The following URI1 variants were observed in gnomAD, a reference collection of about 807,000 sequenced individuals.
URI1 encodes the protein URI1 prefoldin like chaperone, also known as unconventional prefoldin RPB5 interactor 1.
In URI1, 39 loss-of-function variants were observed where a neutral mutation model predicts 60.2. The observed-to-expected ratio is 0.65, with a 90% confidence interval of 0.50 to 0.85. The LOEUF (loss-of-function observed/expected upper bound fraction) is 0.85, where lower values mean the gene tolerates loss of function less well. Among genes scored for constraint, URI1 ranks in the 40% least tolerant of loss-of-function variants. The probability of loss-of-function intolerance (pLI) is 0.00; values close to 1 mark genes in which losing one functional copy is unlikely to be tolerated. For missense variants in URI1, 691 were observed against 665.9 expected (o/e 1.04, Z -0.42); for synonymous variants, 251 against 236.8 (o/e 1.06, Z -0.55).
chr19:30,015,674 T>TC lies in URI1; in HGVS notation c.*607dup. ...AAAGATATTTTGTAAAACTTTTTTTTCCAAGTAAAAACTTTATGAAACTTG... is the reference window on the plus strand; with the variant it reads ...AAAGATATTTTGTAAAACTTTTTTTTCCCAAGTAAAAACTTTATGAAACTTG... On this transcript the variant is annotated 3_prime_UTR_variant, in exon 11 of 11. Transcript: ENST00000392271. 7.6e-7 allele frequency: 1 copy of TC among 1,312,440 alleles called. No individual in the cohort carries two copies. The highest frequency in any genetic ancestry group is 1.0e-6 in the Non-Finnish European group (1 of 969,460). The allele number at this position is 1,312,440 out of a possible 1,614,324, so 81.3% of individuals were successfully genotyped here.
intron 2 of URI1, among the ~76,000 whole-genome samples, chr19:29,975,588 C>G (rs1023019937): frequency 2.8e-5 from 4 of 143,708 alleles, no homozygotes; most frequent in African/African-American, 1.0e-4. Flanking sequence ...ACTGCAACTT[C>G]TGCCTCGCGG....
At chr19:30,005,320 A>G (rs781616324) in intron 4 of URI1, 41 bp from the exon 5 acceptor site, 4 of 1,181,546 alleles carry the variant, frequency 3.4e-6, no homozygotes, top group Non-Finnish European at 3.7e-6. Flanking sequence ...CAGGTCGTAT[A>G]TATGCCATGC....
At chr19:29,984,293 G>T (rs2055634358) in intron 2 of URI1, among the ~76,000 whole-genome samples, 1 of 152,100 alleles carries the variant, frequency 6.6e-6, no homozygotes, top group Admixed American at 6.5e-5. Flanking sequence ...GCTGGGCGTG[G>T]TGTCATGCGT....
intron 2 of URI1, among the ~76,000 whole-genome samples, chr19:29,977,538 TTTTC>T (rs1009351578): frequency 8.1e-5 from 12 of 148,776 alleles, no homozygotes; most frequent in African/African-American, 2.7e-4. Context: ...TGTTTGGGCT[TTTTC>T]TTTATGTTAT....
intron 2 of URI1, among the ~76,000 whole-genome samples, chr19:29,971,581 A>T (rs762822734): frequency 1.2e-4 from 18 of 151,918 alleles, no homozygotes; most frequent in Non-Finnish European, 2.9e-5. Flanking sequence ...AAATAATGGG[A>T]ATCAGTTACT....
rs1406765450 is a variant in URI1 at position 29,951,407 on chromosome 19, A to AGC, written c.117+8744_117+8745dup. On this transcript the variant is annotated intron_variant, in intron 1 of 10. Transcript: ENST00000392271. ...ATGTTTTTCGAGCAACAAGAACTCT[A>AGC]GCACCCCCCCCTTTAGTTTCACAAT... is the stretch of plus-strand genomic sequence containing the variant. Among the ~76,000 whole-genome samples the AGC allele has an allele frequency of 4.7e-3, 709 of 152,148 alleles. 6 individuals are homozygous for AGC. Among genetic ancestry groups the AGC allele is most frequent in the African/African-American group, 0.016 (672 of 41,468 alleles).
intron 3 of URI1, among the ~76,000 whole-genome samples, 177 bp from the exon 4 acceptor site, chr19:29,986,105 A>G (rs963000262): frequency 6.6e-6 from 1 of 152,090 alleles, no homozygotes; most frequent in Non-Finnish European, 1.5e-5. Context: ...TTTTCTTTAG[A>G]TTTTCCTAGT....
At chr19:30,002,855 TTC>T (rs1203999611) in intron 4 of URI1, among the ~76,000 whole-genome samples, 1 of 152,010 alleles carries the variant, frequency 6.6e-6, no homozygotes, top group Non-Finnish European at 1.5e-5. Context: ...ATATTTCTTT[TTC>T]TCTCAGTAGT....
chr19:29,939,329 C>T (rs1020456711), upstream of URI1, among the ~76,000 whole-genome samples: 3 of 147,518 alleles, frequency 2.0e-5, no homozygotes, highest in Non-Finnish European at 4.5e-5. Flanking sequence ...GGCAGGAGTG[C>T]AGTGGCATGA....
chr19:29,984,687 T>C (rs760142808), intron 2 of URI1, among the ~76,000 whole-genome samples: 4 of 152,134 alleles, frequency 2.6e-5, no homozygotes, highest in Admixed American at 6.5e-5. Context: ...AAACTAAAAA[T>C]AAAACCACAT....
intron 1 of URI1, among the ~76,000 whole-genome samples, chr19:29,955,384 G>A (rs1218491161): frequency 6.6e-6 from 1 of 152,136 alleles, no homozygotes; most frequent in Non-Finnish European, 1.5e-5. Flanking sequence ...TAATGCCTCA[G>A]TAAATCACTT....
At chr19:29,942,143 T>A, upstream of URI1, 1 of 918,380 alleles carries the variant, frequency 1.1e-6, no homozygotes, top group Non-Finnish European at 1.3e-6. Flanking sequence ...GCGGTTCGCA[T>A]CAAGCGCACT....
chr19:29,985,831 A>G (rs1355540131), intron 3 of URI1, among the ~76,000 whole-genome samples: 2 of 152,214 alleles, frequency 1.3e-5, no homozygotes, highest in South Asian at 2.1e-4. Context: ...TTTTGTATAT[A>G]TAGCTAGATA....
intron 10 of URI1, among the ~76,000 whole-genome samples, chr19:30,013,624 A>G (rs543642885): frequency 6.6e-6 from 1 of 152,288 alleles, no homozygotes; most frequent in South Asian, 2.1e-4. Flanking sequence ...GTAGCTTTGC[A>G]TTTTGTATGG....
At position 30,015,487 on chromosome 19, in the gene URI1, T is replaced by C. The variant is rs2056074717; in HGVS notation, c.*418T>C. On this transcript the variant is annotated 3_prime_UTR_variant, in exon 11 of 11. Coordinates refer to ENST00000392271, the MANE Select transcript of URI1 (RefSeq NM_003796.3). ...CAAATAGATTCAACAATTACATTAC[T>C]TGCTTTCACATTTTAAAGGCACTTT... The C allele has an allele frequency of 1.3e-6, 2 of 1,524,486 alleles. No individual in the cohort carries two copies. The highest frequency in any genetic ancestry group is 1.7e-6 in the Non-Finnish European group (2 of 1,143,614). 94.4% of individuals were successfully genotyped at this position (1,524,486 alleles called of 1,614,324 possible).
intron 1 of URI1, among the ~76,000 whole-genome samples, chr19:29,946,636 T>C (rs1568409561): frequency 6.6e-6 from 1 of 152,216 alleles, no homozygotes; most frequent in Non-Finnish European, 1.5e-5. Flanking sequence ...GTAAATATTT[T>C]AAATTTTTTA....
At chr19:29,947,628 A>G (rs778178556) in intron 1 of URI1, among the ~76,000 whole-genome samples, 78 of 152,282 alleles carry the variant, frequency 5.1e-4, no homozygotes, top group South Asian at 1.2e-3. Flanking sequence ...TTTTTGTGAA[A>G]TACCTGCTCA....
At chr19:29,949,032 G>C (rs1311164120) in intron 1 of URI1, among the ~76,000 whole-genome samples, 12 of 143,638 alleles carry the variant, frequency 8.4e-5, no homozygotes, top group Non-Finnish European at 1.8e-4. Context: ...CTCCCGGACG[G>C]GGCAGCTGGC....
intron 2 of URI1, among the ~76,000 whole-genome samples, chr19:29,984,043 T>G (rs2055630341): frequency 1.3e-5 from 2 of 152,242 alleles, no homozygotes; most frequent in Non-Finnish European, 2.9e-5. Context: ...GCCTAAGGTT[T>G]TCTGATGAGG....
Sources: gnomAD v4.1 joint callset for allele counts (sites outside exome capture counted in the v4.1 genomes callset) on GRCh38, gnomAD v4.1.1 for gene constraint, MANE v1.5 for transcripts, NCBI Gene and HGNC (gene_info 2026-07-23, HGNC 2026-07-21) for gene names.